The following PIK3C3 variants were observed in gnomAD, a reference collection of about 807,000 sequenced individuals.
PIK3C3 encodes PI3-kinase type 3.
PIK3C3 carries 95 observed loss-of-function variants against 126.1 expected under a neutral mutation model. The observed-to-expected ratio is 0.75, with a 90% CI of 0.64 to 0.89. PIK3C3 has a LOEUF of 0.89. Ranked by LOEUF, PIK3C3 falls within the 40% of genes least tolerant of loss-of-function variation. The pLI, the probability that PIK3C3 is intolerant of heterozygous loss-of-function variation, is 0.00. For missense variants in PIK3C3, 829 were observed against 1,063.2 expected, an observed-to-expected ratio of 0.78 and a Z score of 3.06; for synonymous variants, 374 against 360.0, an observed-to-expected ratio of 1.04 and a Z score of -0.44.
At chr18:41,960,085 A>G (rs1980002450) in intron 2 of PIK3C3, among the ~76,000 whole-genome samples, 1 of 152,186 alleles carries the variant, frequency 6.6e-6, no homozygotes, top group Admixed American at 6.5e-5. Flanking sequence ...ATGAGATTCT[A>G]AATTATTTAA....
At chr18:42,063,706 TTTAAGTA>T (rs1404370510) in intron 22 of PIK3C3, among the ~76,000 whole-genome samples, 1 of 152,170 alleles carries the variant, frequency 6.6e-6, no homozygotes, top group Non-Finnish European at 1.5e-5. Context: ...CTGTTAAACA[TTTAAGTA>T]TTAAGTAACA....
chr18:42,055,375 G>A (rs772882188), intron 21 of PIK3C3, among the ~76,000 whole-genome samples: 5 of 152,072 alleles, frequency 3.3e-5, no homozygotes, highest in African/African-American at 4.8e-5. Flanking sequence ...TATATTGTAA[G>A]GGTTTAAGTA....
At position 41,996,622 on chromosome 18, in the gene PIK3C3, T is replaced by C. The variant is rs1226944270; in HGVS notation, c.892-16T>C. ...TATTGTTGACAAAATTAGTTCTTTT[T>C]CTTTTTTTGTTTTAGATTATTGTGA... On this transcript the variant is annotated splice_polypyrimidine_tract_variant and intron_variant, in intron 8 of 24. Transcript: ENST00000262039. The C allele has an allele frequency of 7.4e-7, 1 of 1,355,830 alleles. No homozygotes were observed. Among genetic ancestry groups the C allele is most frequent in the Non-Finnish European group, 1.0e-6 (1 of 978,564 alleles). The allele number at this position is 1,355,830 out of a possible 1,614,324, so 84.0% of individuals were successfully genotyped here.
At chr18:42,033,139 GGAAATTAATTGTTCTTTT>G (rs1421342379) in intron 15 of PIK3C3, among the ~76,000 whole-genome samples, 1 of 152,076 alleles carries the variant, frequency 6.6e-6, no homozygotes, top group African/African-American at 2.4e-5. Flanking sequence ...AGCTTTTAAA[GGAAATTAATTGTTCTTTT>G]GAAATTGAAT....
At chr18:42,031,523 C>T (rs1259625303) in intron 15 of PIK3C3, among the ~76,000 whole-genome samples, 1 of 152,126 alleles carries the variant, frequency 6.6e-6, no homozygotes, top group African/African-American at 2.4e-5. Flanking sequence ...CTCCCGTCTT[C>T]AAGCAATTAA....
chr18:42,030,426 C>T (rs1420613853), intron 15 of PIK3C3, among the ~76,000 whole-genome samples: 1 of 152,124 alleles, frequency 6.6e-6, no homozygotes, highest in East Asian at 1.9e-4. Context: ...ATTGGCAGGC[C>T]TTTCTTGGTG....
intron 12 of PIK3C3, among the ~76,000 whole-genome samples, chr18:42,016,621 A>T (rs1341178894): frequency 1.3e-5 from 2 of 152,172 alleles, no homozygotes; most frequent in Non-Finnish European, 2.9e-5. Context: ...TGAGAGAACA[A>T]CCATATGGCT....
In PIK3C3 at chr18:42,045,139, A is replaced by G. The variant is rs138396348; in HGVS notation, c.2188+1322A>G. ...GAAATAAAATTGTGTTTTATAAATT[A>G]GAGTCCTTTATAGTTTTAATTCTTG... On this transcript the variant is annotated intron_variant, in intron 20 of 24. Coordinates refer to ENST00000262039, the MANE Select transcript of PIK3C3 (RefSeq NM_002647.4). 2.2e-3 allele frequency among the ~76,000 whole-genome samples: 336 copies of G among 152,344 alleles called. 1 individual carries two copies. Among genetic ancestry groups the G allele is most frequent in the African/African-American group, 7.5e-3 (311 of 41,582 alleles).
chr18:41,959,441 A>G (rs532584380), intron 2 of PIK3C3, among the ~76,000 whole-genome samples: 53 of 152,128 alleles, frequency 3.5e-4, no homozygotes, highest in Admixed American at 1.2e-3. Context: ...AGTACTGGAA[A>G]GTACGCTAAA....
intron 1 of PIK3C3, among the ~76,000 whole-genome samples, chr18:41,955,640 C>G (rs1386170256): frequency 6.6e-6 from 1 of 152,182 alleles, no homozygotes; most frequent in African/African-American, 2.4e-5. Flanking sequence ...GCTGTTCAGC[C>G]TTTTGAGAGT....
chr18:42,039,390 G>A (rs1015937707), intron 18 of PIK3C3, among the ~76,000 whole-genome samples: 1 of 152,156 alleles, frequency 6.6e-6, no homozygotes, highest in Non-Finnish European at 1.5e-5. Flanking sequence ...AAGTGCAAAT[G>A]TGCATCTTTA....
chr18:42,023,285 A>G (rs1030551353), intron 13 of PIK3C3, among the ~76,000 whole-genome samples: 1 of 152,220 alleles, frequency 6.6e-6, no homozygotes, highest in African/African-American at 2.4e-5. Context: ...TAAATTTGAA[A>G]TGAGTTTTGA....
chr18:42,015,435 A>G (rs1261516092), intron 11 of PIK3C3, 41 bp from the exon 12 acceptor site: 1 of 1,463,340 alleles, frequency 6.8e-7, no homozygotes, highest in Non-Finnish European at 9.6e-7. Context: ...TTATGGACAG[A>G]GTATTTTACA....
intron 4 of PIK3C3, among the ~76,000 whole-genome samples, chr18:41,971,743 GTTAAA>G (rs890350501): frequency 6.6e-6 from 1 of 151,716 alleles, no homozygotes; most frequent in Non-Finnish European, 1.5e-5. Flanking sequence ...TATGAAAAAG[GTTAAA>G]TTAAAAAAGA....
chr18:41,982,784 T>G (rs531283133), intron 4 of PIK3C3, among the ~76,000 whole-genome samples: 1 of 152,182 alleles, frequency 6.6e-6, no homozygotes, highest in Non-Finnish European at 1.5e-5. Flanking sequence ...GATGAATATG[T>G]GAACATTTAT....
chr18:41,957,857 A>T (rs991678878), intron 2 of PIK3C3, 99 bp downstream of exon 2: 1 of 861,154 alleles, frequency 1.2e-6, no homozygotes, highest in African/African-American at 1.7e-5. Context: ...GGAATTTCTT[A>T]ATACCTATAG....
At chr18:41,975,190 A>G (rs990852588) in intron 4 of PIK3C3, among the ~76,000 whole-genome samples, 19 of 152,176 alleles carry the variant, frequency 1.2e-4, no homozygotes, top group Non-Finnish European at 2.5e-4. Context: ...TCAGGTTTAA[A>G]TAGGAGCTGG....
chr18:42,055,236 A>G (rs1375433561), intron 21 of PIK3C3, among the ~76,000 whole-genome samples: 1 of 152,092 alleles, frequency 6.6e-6, no homozygotes, highest in East Asian at 1.9e-4. Context: ...CTCTCATGCT[A>G]CTATGTGATC....
chr18:42,029,431 G>GT lies in PIK3C3; in HGVS notation c.1698dup (p.Lys567Ter), dbSNP rs1451114493. 2.5e-6 allele frequency: 4 copies of GT among 1,589,010 alleles called. No individual in the cohort carries two copies. Among genetic ancestry groups the GT allele is most frequent in the African/African-American group, 1.3e-5 (1 of 74,328 alleles). On this transcript the variant is annotated frameshift_variant, in exon 15 of 25. Coordinates refer to ENST00000262039, the MANE Select transcript of PIK3C3 (RefSeq NM_002647.4). LOFTEE classifies it high-confidence loss of function. Reference sequence around the variant, plus strand: ...GCAGTACAACGCGAAAGTGGAAATCGTAAGAAAAAGGTAAGCCTATGGTGT... The same window carrying GT: ...GCAGTACAACGCGAAAGTGGAAATCGTTAAGAAAAAGGTAAGCCTATGGTGT...
Sources: gnomAD v4.1 joint callset for allele counts (sites outside exome capture counted in the v4.1 genomes callset) on GRCh38, gnomAD v4.1.1 for gene constraint, MANE v1.5 for transcripts, NCBI Gene and HGNC (gene_info 2026-07-23, HGNC 2026-07-21) for gene names.